Variants in ZNF25 observed in about 807,000 individuals in gnomAD.
ZNF25 encodes zinc finger protein 25 (KOX 19).
ZNF25 carries 21 observed loss-of-function variants against 30.9 expected under a neutral mutation model. The observed-to-expected ratio is 0.68, with a 90% CI of 0.48 to 0.98. ZNF25 has a LOEUF of 0.98. Among genes scored for constraint, ZNF25 ranks in the 50% least tolerant of loss-of-function variants. ZNF25 has a pLI of 0.00. For synonymous variants in ZNF25, 169 were observed against 181.3 expected, an observed-to-expected ratio of 0.93 and a Z score of 0.55; for missense variants, 501 against 529.9, an observed-to-expected ratio of 0.95 and a Z score of 0.54.
Position 37,953,202 on chromosome 10 carries a change from A to T in ZNF25, c.303-7T>A. The T allele has an allele frequency of 1.3e-6, 2 of 1,566,052 alleles. No homozygotes were observed. Among genetic ancestry groups the T allele is most frequent in the Non-Finnish European group, 1.7e-6 (2 of 1,163,494 alleles). On this transcript the variant is annotated splice_polypyrimidine_tract_variant and splice_region_variant and intron_variant, in intron 5 of 5. Transcript: ENST00000302609. ...TTTTGTGAGTTCTCCATTCCTAGAC[A>T]GAAAGTTCCACATTCATTAATGTGT...
chr10:37,953,378 T>G, intron 5 of ZNF25, 183 bp from the exon 6 acceptor site: 1 of 637,468 alleles, frequency 1.6e-6, no homozygotes, highest in East Asian at 2.8e-5. Flanking sequence ...TAGTTTAACA[T>G]TTGGTAAGGT....
At chr10:37,956,972 G>A in intron 4 of ZNF25, 48 bp downstream of exon 4, 1 of 1,383,934 alleles carries the variant, frequency 7.2e-7, no homozygotes, top group Non-Finnish European at 1.0e-6. Context: ...AAGGCAAGAG[G>A]CACCAACTAC....
chr10:37,972,364 A>G (rs2063537524), intron 1 of ZNF25, among the ~76,000 whole-genome samples: 1 of 152,208 alleles, frequency 6.6e-6, no homozygotes, highest in Admixed American at 6.5e-5. Context: ...TCTGCTATTA[A>G]TAAACTTAGT....
intron 1 of ZNF25, among the ~76,000 whole-genome samples, chr10:37,972,059 A>G (rs1435833926): frequency 3.3e-5 from 5 of 152,236 alleles, no homozygotes; most frequent in Non-Finnish European, 5.9e-5. Context: ...TAAATATCCA[A>G]TAATGACTGA....
Position 37,952,393 on chromosome 10 carries a change from G to T in ZNF25, c.1105C>A (p.Pro369Thr), listed in dbSNP as rs1333722120. 1.9e-6 allele frequency: 3 copies of T among 1,613,976 alleles called. No individual in the cohort carries two copies. The East Asian group carries it at 6.7e-5, about 36-fold the overall frequency. The change falls in exon 6 of 6, where the codon CCC (proline) becomes ACC (threonine). Residue 369 changes from proline to threonine, a missense_variant. Pro to Thr is a conservative substitution (Grantham distance 38, BLOSUM62 -1). Transcript: ENST00000302609. ...TTGCCACATTCTGTGCATTCATAGG[G>T]CTTCTCCCCTGTGTGTTTTCTCTGA... ...KHQRKHTGEK[P>T]YECTECGKSF... is the part of the protein sequence containing the mutation.
chr10:37,957,022 G>A lies in ZNF25; in HGVS notation c.236C>T (p.Pro79Leu), dbSNP rs1318406724. ...LEVEFPHRGFPEDLWSIHDLE... is the reference protein window; with the variant it reads ...LEVEFPHRGFLEDLWSIHDLE... Reference sequence around the variant, plus strand: ...GGATATAATTTCTTCTAACTCACCAGGGAAGCCCCGATGTGGAAATTCTAC... The same window carrying A: ...GGATATAATTTCTTCTAACTCACCAAGGAAGCCCCGATGTGGAAATTCTAC... Residue 79 changes from proline to leucine, a missense_variant and splice_region_variant, in exon 4 of 6, where the codon CCT becomes CTT. Transcript: ENST00000302609. The A allele has an allele frequency of 6.2e-7, 1 of 1,613,284 alleles. No homozygotes were observed. The highest frequency in any genetic ancestry group is 8.5e-7 in the Non-Finnish European group (1 of 1,179,522).
At chr10:37,975,394 A>AT (rs1214163786) in intron 1 of ZNF25, among the ~76,000 whole-genome samples, 1 of 151,750 alleles carries the variant, frequency 6.6e-6, no homozygotes, top group East Asian at 1.9e-4. Context: ...TACCAAAAAA[A>AT]AAAACTAAAA....
In ZNF25 at chr10:37,953,110, T is replaced by G. The variant is rs1342919802; in HGVS notation, c.388A>C (p.Lys130Gln). ...TGCTGATGTACTATGAGGGCAGACT[T>G]CTGGCAGAAGAACTTCCCACATTCC... ...CKECGKFFCQ[K>Q]SALIVHQHTH... Residue 130 changes from lysine to glutamine, a missense_variant, in exon 6 of 6, where the codon AAG becomes CAG. Transcript: ENST00000302609. 3.7e-6 allele frequency: 6 copies of G among 1,613,416 alleles called. No homozygotes were observed. Among genetic ancestry groups the G allele is most frequent in the Non-Finnish European group, 4.2e-6 (5 of 1,179,888 alleles).
At chr10:37,968,742 A>T (rs74594607) in intron 2 of ZNF25, among the ~76,000 whole-genome samples, 1,791 of 152,368 alleles carry the variant, frequency 0.012, 14 homozygotes, top group Non-Finnish European at 0.018. Flanking sequence ...TTCTCCAAAT[A>T]ACACAACTCA....
chr10:37,962,824 C>G (rs1043901743), intron 2 of ZNF25, among the ~76,000 whole-genome samples: 1 of 152,064 alleles, frequency 6.6e-6, no homozygotes, highest in East Asian at 1.9e-4. Flanking sequence ...TGGATTAATT[C>G]TTTGAAAGAA....
At chr10:37,956,915 CAAAAAAAAA>C (rs9299755) in intron 4 of ZNF25, 96 bp downstream of exon 4, 20 of 517,448 alleles carry the variant, frequency 3.9e-5, no homozygotes, top group East Asian at 1.0e-4. Context: ...AACTCTGTTT[CAAAAAAAAA>C]AAAAAAAAAA....
At chr10:37,971,941 T>A (rs948722516) in intron 1 of ZNF25, 134 bp from the exon 2 acceptor site, 1 of 595,402 alleles carries the variant, frequency 1.7e-6, no homozygotes, top group Admixed American at 2.9e-5. Flanking sequence ...CTGATATTAA[T>A]GTTGATGAGC....
rs1050664062 is a variant in ZNF25, at chr10:37,957,105, C to T, written c.153G>A (p.Val51=). ...YSHLVSVGYH[V]NKPNAVFKLK... ...ACTTGAAGACTGCATTTGGCTTATT[C>T]ACATGGTAACCTATGAATGGAAAAT... The change falls in exon 4 of 6, where the codon GTG becomes GTA. Residue 51 remains valine (V), a synonymous_variant. Transcript: ENST00000302609. 3 of 1,613,742 alleles carry T rather than the reference C, an allele frequency of 1.9e-6. No individual in the cohort carries two copies. The highest frequency in any genetic ancestry group is 8.5e-7 in the Non-Finnish European group (1 of 1,179,800).
chr10:37,965,771 T>G (rs2063146653), intron 2 of ZNF25, among the ~76,000 whole-genome samples: 1 of 152,192 alleles, frequency 6.6e-6, no homozygotes, highest in South Asian at 2.1e-4. Flanking sequence ...AAATTATGTC[T>G]CCTCTGTTTG....
In ZNF25 at chr10:37,956,904, A is replaced by T. The variant is rs1170660084; in HGVS notation, c.238+116T>A. On this transcript the variant is annotated intron_variant, in intron 4 of 5. Transcript: ENST00000302609. ...GACTCCAGCCTGGACAACAAGAGTG[A>T]AACTCTGTTTCAAAAAAAAAAAAAA... 4 of 736,750 alleles carry T rather than the reference A, an allele frequency of 5.4e-6. No homozygotes were observed. In the African/African-American group the frequency reaches 6.2e-5, roughly 11 times the overall value. 45.6% of individuals were successfully genotyped at this position (736,750 alleles called of 1,614,324 possible).
chr10:37,968,296 T>C (rs577082663), intron 2 of ZNF25, among the ~76,000 whole-genome samples: 1 of 152,034 alleles, frequency 6.6e-6, no homozygotes, highest in East Asian at 1.9e-4. Context: ...GACCTCGTGA[T>C]CCGCCTGCCT....
intron 2 of ZNF25, among the ~76,000 whole-genome samples, chr10:37,969,100 A>T (rs148259661): frequency 2.3e-4 from 35 of 152,274 alleles, no homozygotes; most frequent in African/African-American, 6.7e-4. Context: ...CCCCACCCCA[A>T]TTATAATGGG....
intron 2 of ZNF25, among the ~76,000 whole-genome samples, chr10:37,964,273 TAA>T (rs1279396745): frequency 2.0e-5 from 3 of 152,156 alleles, no homozygotes; most frequent in Non-Finnish European, 4.4e-5. Flanking sequence ...AGCATTGCTA[TAA>T]AGATACCTGA....
intron 2 of ZNF25, among the ~76,000 whole-genome samples, chr10:37,957,895 C>A (rs1271188211): frequency 6.6e-6 from 1 of 152,084 alleles, no homozygotes; most frequent in Non-Finnish European, 1.5e-5. Flanking sequence ...TTTAGATACA[C>A]AAATTCTTAC....
Sources: gnomAD v4.1 joint callset for allele counts (sites outside exome capture counted in the v4.1 genomes callset) on GRCh38, gnomAD v4.1.1 for gene constraint, MANE v1.5 for transcripts, NCBI Gene and HGNC (gene_info 2026-07-23, HGNC 2026-07-21) for gene names.